The following PRKAR1B variants were observed in gnomAD, a reference collection of about 807,000 sequenced individuals.
PRKAR1B encodes protein kinase cAMP-dependent type I regulatory subunit beta.
In PRKAR1B, 22 loss-of-function variants were observed where a neutral mutation model predicts 46.5. The ratio of observed to expected loss-of-function variants is 0.47; its 90% confidence interval spans 0.34 to 0.68. PRKAR1B has a LOEUF of 0.68. PRKAR1B is among the 30% of genes least tolerant of loss of function. PRKAR1B has a pLI of 0.01. For synonymous variants in PRKAR1B, 259 were observed against 217.7 expected (o/e 1.19, Z -1.67); for missense variants, 445 against 535.6 (o/e 0.83, Z 1.67).
intron 4 of PRKAR1B, among the ~76,000 whole-genome samples, chr7:661,728 G>A (rs1435784987): frequency 2.5e-4 from 9 of 35,832 alleles, no homozygotes; most frequent in African/African-American, 9.6e-4. Context: ...CCACCCCAAC[G>A]GATCCAAATA....
At chr7:726,786 T>C in intron 1 of PRKAR1B, 1 of 1,281,092 alleles carries the variant, frequency 7.8e-7, no homozygotes, top group South Asian at 2.6e-5. Flanking sequence ...CCGAGACGGC[T>C]GAGGCGGTGG....
chr7:585,932 G>C (rs1209453273), intron 7 of PRKAR1B, among the ~76,000 whole-genome samples: 1 of 151,712 alleles, frequency 6.6e-6, no homozygotes, highest in African/African-American at 2.4e-5. Context: ...GAAAACCACA[G>C]TGAGCAGCAT....
In PRKAR1B at chr7:612,908, T is replaced by C. The variant is rs184443069; in HGVS notation, c.441-5456A>G. ...GAAGCACTGTCAGCAACAGAGGCTT[T>C]ATTAAATAAACGACAATGAAAAGAT... is the stretch of plus-strand genomic sequence containing the variant. On this transcript the variant is annotated intron_variant, in intron 4 of 10. Transcript: ENST00000537384. Among the ~76,000 whole-genome samples, 5 of 152,354 alleles carry C rather than the reference T, an allele frequency of 3.3e-5. No homozygotes were observed. The East Asian group carries it at 9.6e-4, about 29-fold the overall frequency.
chr7:553,600 T>C (rs1254599897), intron 9 of PRKAR1B, among the ~76,000 whole-genome samples: 1 of 152,202 alleles, frequency 6.6e-6, no homozygotes, highest in East Asian at 1.9e-4. Context: ...GGCGGCCCTC[T>C]GAGAGCAGCT....
rs533244418 is a variant in PRKAR1B at position 563,804 on chromosome 7, T to C, written c.892-12334A>G. Among the ~76,000 whole-genome samples, 12 of 152,008 alleles carry C rather than the reference T, an allele frequency of 7.9e-5. No individual in the cohort carries two copies. In the South Asian group the frequency reaches 1.0e-3, roughly 13 times the overall value. Reference sequence around the variant, plus strand: ...GTATGTACATGTGTGTACGTGTGTGTGCACAGGTGTGCCTGTGTCCATGTG... The same window carrying C: ...GTATGTACATGTGTGTACGTGTGTGCGCACAGGTGTGCCTGTGTCCATGTG... On this transcript the variant is annotated intron_variant, in intron 9 of 10. Coordinates refer to ENST00000537384, the MANE Select transcript of PRKAR1B (RefSeq NM_001164760.2).
chr7:691,539 C>A, intron 2 of PRKAR1B: 1 of 1,304,514 alleles, frequency 7.7e-7, no homozygotes, highest in Non-Finnish European at 1.0e-6. Context: ...CTGGGCATTA[C>A]CAGTGGATCC....
chr7:694,986 G>A (rs1397041252), intron 2 of PRKAR1B, among the ~76,000 whole-genome samples: 1 of 149,884 alleles, frequency 6.7e-6, no homozygotes. Flanking sequence ...CAGTGAGCTC[G>A]TGCCACTGCA....
intron 3 of PRKAR1B, 127 bp downstream of exon 3, chr7:680,429 C>T (rs1778602184): frequency 1.2e-5 from 12 of 986,902 alleles, no homozygotes; most frequent in Non-Finnish European, 1.7e-5. Context: ...CATAGTCCTC[C>T]CTCCAACCAG....
intron 4 of PRKAR1B, among the ~76,000 whole-genome samples, chr7:663,464 T>G (rs113326799): frequency 0.011 from 1,637 of 152,268 alleles, 29 homozygotes; most frequent in East Asian, 0.1. Flanking sequence ...CTCAAACTCC[T>G]GGGCTCAAGC....
rs767827406 is a variant in PRKAR1B, at chr7:691,691, C to T, written c.178-10965G>A. 51 of 1,275,604 alleles carry T rather than the reference C, an allele frequency of 4.0e-5. No individual in the cohort carries two copies. In the Middle Eastern group the frequency reaches 9.5e-4, roughly 24 times the overall value. 79.0% of individuals were successfully genotyped at this position (1,275,604 alleles called of 1,614,324 possible). A position where few individuals can be genotyped will look rare whatever the true frequency, so the allele number is the denominator to read the frequency against. On this transcript the variant is annotated intron_variant, in intron 2 of 10. Transcript: ENST00000537384. ...GGAAACCCAGTGCTGTGACCTCACA[C>T]GGTCAAAAGCAGCTCCTCGTGGACA...
In PRKAR1B at chr7:549,948, G is replaced by C. The variant is rs1012185379; in HGVS notation, c.*482C>G. On this transcript the variant is annotated 3_prime_UTR_variant, in exon 11 of 11. Coordinates refer to ENST00000537384, the MANE Select transcript of PRKAR1B (RefSeq NM_001164760.2). ...TTGCGGGAGGGGCCTTGACTTCTTC[G>C]GCCTCAACTCCCTGCTCTCAGCCTC... is the stretch of plus-strand genomic sequence containing the variant. The C allele has an allele frequency of 6.2e-6, 1 of 160,798 alleles. No homozygotes were observed. Among genetic ancestry groups the C allele is most frequent in the African/African-American group, 2.4e-5 (1 of 41,470 alleles). 10.0% of individuals were successfully genotyped at this position (160,798 alleles called of 1,614,324 possible).
chr7:555,359 T>C (rs1778366529), intron 9 of PRKAR1B, among the ~76,000 whole-genome samples: 1 of 151,996 alleles, frequency 6.6e-6, no homozygotes, highest in African/African-American at 2.4e-5. Context: ...AAGAGCACAC[T>C]GGCCGTGCTC....
chr7:631,849 C>T (rs1234280585), intron 4 of PRKAR1B, among the ~76,000 whole-genome samples: 4 of 151,742 alleles, frequency 2.6e-5, no homozygotes, highest in East Asian at 3.9e-4. Flanking sequence ...CCCAGCTACT[C>T]GGGAGGCTGA....
rs912853543 is a variant in PRKAR1B, at chr7:644,192, C to T, written c.440+33037G>A. Among the ~76,000 whole-genome samples, 16 of 152,186 alleles carry T rather than the reference C, an allele frequency of 1.1e-4. No individual in the cohort carries two copies. The highest frequency in any genetic ancestry group is 2.6e-4 in the Admixed American group (4 of 15,280). On this transcript the variant is annotated intron_variant, in intron 4 of 10. Transcript: ENST00000537384. This position sits in a 1 kb window ranked among gnomAD's most constrained non-coding sequence, Gnocchi z 4.9. The stretch of plus-strand genomic sequence containing the variant: ...GCAGGCAGCACAGGGCACCGACAGG[C>T]GGGATGTTCAACCTGCGTCAGGATG...
rs1179830457 is a variant in PRKAR1B, at chr7:593,856, G to T, written c.708+2290C>A. Among the ~76,000 whole-genome samples the T allele has an allele frequency of 6.6e-6, 1 of 152,178 alleles. No individual in the cohort carries two copies. Among genetic ancestry groups the T allele is most frequent in the East Asian group, 1.9e-4 (1 of 5,176 alleles). On this transcript the variant is annotated intron_variant, in intron 7 of 10. Transcript: ENST00000537384. The surrounding 1 kb of genome is among the most constrained non-coding windows in gnomAD (Gnocchi z 6.1). ...TGGGCACCCCAGCAATGCCCCACAGGTGCATAAATGAGAAGCTCATGGGGT... is the reference window on the plus strand; with the variant it reads ...TGGGCACCCCAGCAATGCCCCACAGTTGCATAAATGAGAAGCTCATGGGGT...
chr7:703,232 T>G (rs1562353147), intron 2 of PRKAR1B, among the ~76,000 whole-genome samples: 1 of 152,142 alleles, frequency 6.6e-6, no homozygotes, highest in African/African-American at 2.4e-5. Flanking sequence ...ATGCAACTAA[T>G]AACAGAGCTC....
At chr7:719,822 G>C (rs968905312) in intron 1 of PRKAR1B, among the ~76,000 whole-genome samples, 5 of 152,100 alleles carry the variant, frequency 3.3e-5, no homozygotes, top group Admixed American at 1.3e-4. Flanking sequence ...TCAGTCATCT[G>C]TTCCCCATCT....
At chr7:617,182 CAG>C (rs1342827014) in intron 4 of PRKAR1B, among the ~76,000 whole-genome samples, 3 of 151,872 alleles carry the variant, frequency 2.0e-5, no homozygotes, top group Admixed American at 6.6e-5. Context: ...TCAGTAGAGA[CAG>C]GGGTTTCACC....
intron 4 of PRKAR1B, 68 bp from the exon 5 acceptor site, chr7:607,520 C>G: frequency 1.5e-6 from 2 of 1,318,426 alleles, no homozygotes; most frequent in African/African-American, 1.4e-5. Context: ...TTCCTCCCCT[C>G]ATTTCACAGT....
Sources: gnomAD v4.1 joint callset for allele counts (sites outside exome capture counted in the v4.1 genomes callset) on GRCh38, gnomAD v4.1.1 for gene constraint, Gnocchi (gnomAD v3.1) non-coding constraint, MANE v1.5 for transcripts, NCBI Gene and HGNC (gene_info 2026-07-23, HGNC 2026-07-21) for gene names.